GFM1: variants seen among roughly 807,000 people sequenced by gnomAD.
GFM1 encodes G elongation factor mitochondrial 1.
In GFM1, 62 loss-of-function variants were observed where a neutral mutation model predicts 96.2. The ratio of observed to expected loss-of-function variants is 0.64; its 90% CI spans 0.53 to 0.80. The LOEUF is 0.80. Ranked by LOEUF, GFM1 falls within the 30% of genes least tolerant of loss-of-function variation. The pLI is 0.00. For missense variants in GFM1, 852 were observed against 916.6 expected (o/e 0.93, Z 0.91); for synonymous variants, 282 against 312.9 (o/e 0.90, Z 1.04).
At chr3:158,670,426 A>AT (rs1387038761) in intron 13 of GFM1, among the ~76,000 whole-genome samples, 1 of 151,602 alleles carries the variant, frequency 6.6e-6, no homozygotes, top group African/African-American at 2.4e-5. Flanking sequence ...TATATTAGGC[A>AT]TAAGTTCAGA....
intron 16 of GFM1, 80 bp from the exon 17 acceptor site, chr3:158,691,058 TA>T: frequency 2.1e-6 from 2 of 936,654 alleles, no homozygotes; most frequent in Non-Finnish European, 1.8e-6. Context: ...CTAAAGGAAT[TA>T]AATGGCTAAA....
intron 4 of GFM1, among the ~76,000 whole-genome samples, chr3:158,647,546 G>A (rs1721921325): frequency 6.6e-6 from 1 of 152,186 alleles, no homozygotes; most frequent in African/African-American, 2.4e-5. Flanking sequence ...TAGCTGTAGA[G>A]CTCATACTTA....
At chr3:158,645,260 GA>G (rs1270526961) in intron 1 of GFM1, among the ~76,000 whole-genome samples, 3 of 152,012 alleles carry the variant, frequency 2.0e-5, no homozygotes, top group East Asian at 3.9e-4. Context: ...AGGAGAAAGG[GA>G]AAAAAATTAA....
In GFM1 at chr3:158,691,304, C is replaced by A. The variant is rs779414884; in HGVS notation, c.2125-32C>A. 7.8e-4 allele frequency: 1,261 copies of A among 1,611,692 alleles called. 3 individuals carry two copies. Among genetic ancestry groups the A allele is most frequent in the Non-Finnish European group, 9.9e-4 (1,170 of 1,178,832 alleles). On this transcript the variant is annotated intron_variant, in intron 17 of 17. Transcript: ENST00000486715. Reference sequence around the variant, plus strand: ...ATAGTTTAAAAAACAAACAAACAAACAAAAAACCCTCTCTTTTTTTTAAAT... The same window carrying A: ...ATAGTTTAAAAAACAAACAAACAAAAAAAAAACCCTCTCTTTTTTTTAAAT...
At chr3:158,660,787 T>C (rs1250096127) in intron 9 of GFM1, 87 bp from the exon 10 acceptor site, 4 of 1,053,360 alleles carry the variant, frequency 3.8e-6, no homozygotes, top group Non-Finnish European at 5.9e-6. Context: ...TTATATACAA[T>C]GTGTGTACTG....
rs776675316 is a variant in GFM1, at chr3:158,666,740, A to G, written c.1601+354A>G. The stretch of plus-strand genomic sequence containing the variant: ...GAGAACTTGCATTTGCCAGGGAATA[A>G]TCTCCTGCAAGTGAAGAAAATTAAT... On this transcript the variant is annotated intron_variant, in intron 13 of 17. Coordinates refer to ENST00000486715, the MANE Select transcript of GFM1 (RefSeq NM_024996.7). 96 of 1,612,332 alleles carry G rather than the reference A, an allele frequency of 6.0e-5. 2 individuals are homozygous for G. The South Asian group carries it at 9.9e-4, about 17-fold the overall frequency.
In GFM1 at chr3:158,666,309, GGAAA is replaced by G. The variant is rs1291943147; in HGVS notation, c.1527_1530del (p.Arg510SerfsTer42). On this transcript the variant is annotated frameshift_variant, in exon 13 of 18. Transcript: ENST00000486715. LOFTEE classifies it high-confidence loss of function. ...ATTTTCCCCACTCTTTTTAGAGGCTGGAAAGAGAGTATGGCTGTCCTTGTATCAC... is the reference window on the plus strand; with the variant it reads ...ATTTTCCCCACTCTTTTTAGAGGCTGGAGAGTATGGCTGTCCTTGTATCAC... The G allele has an allele frequency of 6.2e-7, 1 of 1,611,622 alleles. No individual in the cohort carries two copies. The highest frequency in any genetic ancestry group is 2.2e-5 in the East Asian group (1 of 44,856).
At chr3:158,669,979 T>C (rs1462133592) in intron 13 of GFM1, among the ~76,000 whole-genome samples, 1 of 152,210 alleles carries the variant, frequency 6.6e-6, no homozygotes, top group African/African-American at 2.4e-5. Flanking sequence ...CTCTTACTCT[T>C]TGCTCCTGAA....
rs1722065799 is a variant in GFM1 at position 158,648,914 on chromosome 3, G to C, written c.573-127G>C. On this transcript the variant is annotated intron_variant, in intron 4 of 17. Transcript: ENST00000486715. ...CCAGCTGCTTTATATTTTCTGTTCTGACCTGATGGTAACACCCTTCTCAGT... is the reference window on the plus strand; with the variant it reads ...CCAGCTGCTTTATATTTTCTGTTCTCACCTGATGGTAACACCCTTCTCAGT... The C allele has an allele frequency of 5.9e-6, 4 of 682,546 alleles. No homozygotes were observed. In the East Asian group the frequency reaches 1.1e-4, roughly 19 times the overall value. The allele number at this position is 682,546 out of a possible 1,614,324, so 42.3% of individuals were successfully genotyped here.
intron 13 of GFM1, chr3:158,669,142 G>A: frequency 6.2e-7 from 1 of 1,610,160 alleles, no homozygotes; most frequent in Non-Finnish European, 8.5e-7. Flanking sequence ...TCTGGTAGGA[G>A]ACACATTTAT....
intron 8 of GFM1, chr3:158,655,740 A>G (rs953600380): frequency 2.5e-6 from 1 of 395,648 alleles, no homozygotes; most frequent in African/African-American, 2.1e-5. Flanking sequence ...CACTGTCACA[A>G]CTAATGGGCC....
intron 13 of GFM1, among the ~76,000 whole-genome samples, chr3:158,681,059 C>T (rs1338520791): frequency 6.6e-6 from 1 of 152,116 alleles, no homozygotes; most frequent in African/African-American, 2.4e-5. Context: ...AATATGTCAG[C>T]GTTCCACAGT....
chr3:158,654,551 T>C lies in GFM1; in HGVS notation c.1003T>C (p.Ser335Pro). The change falls in exon 8 of 18, where the codon TCA becomes CCA. Residue 335 changes from serine (S) to proline (P), a missense_variant. Ser to Pro is a moderately conservative substitution (Grantham distance 74). Transcript: ENST00000486715. ...NYAILNKEDD[S>P]KEKTKILMNS... ...TTATATTTCTTTTATTTTAAGTGAC[T>C]CAAAAGAGAAAACCAAAATCCTAAT... The C allele has an allele frequency of 2.5e-6, 4 of 1,583,852 alleles. No homozygotes were observed. In the South Asian group the frequency reaches 4.4e-5, roughly 18 times the overall value.
At position 158,669,464 on chromosome 3, in the gene GFM1, C is replaced by G. The variant is rs1488795764; in HGVS notation, c.1601+3078C>G. On this transcript the variant is annotated intron_variant, in intron 13 of 17. Coordinates refer to ENST00000486715, the MANE Select transcript of GFM1 (RefSeq NM_024996.7). ...TATTTTGTGCTTCTAGCGGTTCCTTCATGGACTTAAGTCTTTGATAAAATG... is the reference window on the plus strand; with the variant it reads ...TATTTTGTGCTTCTAGCGGTTCCTTGATGGACTTAAGTCTTTGATAAAATG... 3 of 1,613,626 alleles carry G rather than the reference C, an allele frequency of 1.9e-6. No individual in the cohort carries two copies. The East Asian group carries it at 6.7e-5, about 36-fold the overall frequency.
chr3:158,672,110 C>T (rs1048438087), intron 13 of GFM1, among the ~76,000 whole-genome samples: 4 of 152,166 alleles, frequency 2.6e-5, no homozygotes, highest in East Asian at 1.9e-4. Context: ...TAACTGTGTG[C>T]GTAAAAACTT....
rs1051744389 is a variant in GFM1 at position 158,670,858 on chromosome 3, C to G, written c.1601+4472C>G. Reference sequence around the variant, plus strand: ...CTGAGGTGGGAAGATGGCCTGAGCCCGGGAAGTTGAGGCTGCAGTGAGCCA... The same window carrying G: ...CTGAGGTGGGAAGATGGCCTGAGCCGGGGAAGTTGAGGCTGCAGTGAGCCA... On this transcript the variant is annotated intron_variant, in intron 13 of 17. Transcript: ENST00000486715. The G allele has an allele frequency of 6.9e-6, 9 of 1,300,692 alleles. No homozygotes were observed. The African/African-American group carries it at 1.3e-4, about 18-fold the overall frequency. The allele number at this position is 1,300,692 out of a possible 1,614,324, so 80.6% of individuals were successfully genotyped here. A position where few individuals can be genotyped will look rare whatever the true frequency, so the allele number is the denominator to read the frequency against.
chr3:158,684,693 CCTGT>C lies in GFM1; in HGVS notation c.1909+30_1909+33del, dbSNP rs779930047. 36 of 1,612,792 alleles carry C rather than the reference CCTGT, an allele frequency of 2.2e-5. No homozygotes were observed. The African/African-American group carries it at 4.7e-4, about 21-fold the overall frequency. On this transcript the variant is annotated intron_variant, in intron 15 of 17. Coordinates refer to ENST00000486715, the MANE Select transcript of GFM1 (RefSeq NM_024996.7). ...GGTATGCTGGGTCCGGGCACCTTAGCCTGTCTGTTTTCCTGATAGATCATCATAG... is the reference window on the plus strand; with the variant it reads ...GGTATGCTGGGTCCGGGCACCTTAGCCTGTTTTCCTGATAGATCATCATAG...
intron 5 of GFM1, chr3:158,651,162 TG>T (rs1722271247): frequency 6.6e-6 from 1 of 152,128 alleles, no homozygotes; most frequent in Non-Finnish European, 1.5e-5. Flanking sequence ...AATGGAGAAC[TG>T]ATGTCACAGA....
At chr3:158,645,258 G>A (rs1721673954) in intron 1 of GFM1, among the ~76,000 whole-genome samples, 1 of 152,060 alleles carries the variant, frequency 6.6e-6, no homozygotes, top group African/African-American at 2.4e-5. Context: ...AAAGGAGAAA[G>A]GGAAAAAAAT....
Sources: allele counts gnomAD v4.1 joint callset (sites outside exome capture counted in the v4.1 genomes callset), GRCh38; gene constraint gnomAD v4.1.1; transcripts MANE v1.5; gene names NCBI Gene and HGNC (gene_info 2026-07-23, HGNC 2026-07-21).